The following ARHGAP32 variants were observed in gnomAD, a reference collection of about 807,000 sequenced individuals.
ARHGAP32 encodes the protein rho GTPase-activating protein 32.
A neutral mutation model predicts 186.5 loss-of-function variants in ARHGAP32; 51 were observed. The observed-to-expected ratio is 0.27, with a 90% CI of 0.22 to 0.35. ARHGAP32 has a LOEUF of 0.35. ARHGAP32 is among the 10% of genes least tolerant of loss of function. The probability of loss-of-function intolerance (pLI) is 1.00; values close to 1 mark genes in which losing one functional copy is unlikely to be tolerated. For missense variants in ARHGAP32, 2,186 were observed against 2,623.5 expected (o/e 0.83, Z 3.64); for synonymous variants, 950 against 964.3 (o/e 0.99, Z 0.27).
chr11:129,198,976 G>A (rs2135572253), intron 1 of ARHGAP32, among the ~76,000 whole-genome samples: 1 of 152,300 alleles, frequency 6.6e-6, no homozygotes. Context: ...GGAACTTGTT[G>A]GGAACCAGAG....
At chr11:129,188,296 C>T (rs568266020) in intron 1 of ARHGAP32, among the ~76,000 whole-genome samples, 1 of 152,214 alleles carries the variant, frequency 6.6e-6, no homozygotes, top group East Asian at 1.9e-4. Context: ...CTTCCAGGAT[C>T]ATTAAAACTG....
chr11:129,117,531 T>A (rs115127342), intron 5 of ARHGAP32, among the ~76,000 whole-genome samples: 12 of 151,958 alleles, frequency 7.9e-5, no homozygotes, highest in African/African-American at 2.9e-4. Flanking sequence ...CATGTAATGA[T>A]AGAAAGCCAT....
In ARHGAP32 at chr11:128,967,390, G is replaced by A. The variant is rs887669504; in HGVS notation, c.*1517C>T. ...TCTCCTAGTGTCTTCTACAGACCGA[G>A]CATTTAAAATACGTGAATGTATAAA... On this transcript the variant is annotated 3_prime_UTR_variant, in exon 23 of 23. Coordinates refer to ENST00000682385, the MANE Select transcript of ARHGAP32 (RefSeq NM_001378024.1). The A allele has an allele frequency of 6.6e-5, 10 of 152,190 alleles. No homozygotes were observed. The highest frequency in any genetic ancestry group is 2.4e-4 in the African/African-American group (10 of 41,444). 9.4% of individuals were successfully genotyped at this position (152,190 alleles called of 1,614,324 possible).
intron 11 of ARHGAP32, among the ~76,000 whole-genome samples, chr11:129,004,265 T>G (rs959964140): frequency 1.8e-4 from 23 of 125,062 alleles, no homozygotes; most frequent in Non-Finnish European, 3.0e-4. Context: ...TTTTTTTTTT[T>G]GAATACTTTC....
intron 1 of ARHGAP32, among the ~76,000 whole-genome samples, chr11:129,263,463 A>G (rs545444308): frequency 1.3e-5 from 2 of 152,130 alleles, no homozygotes; most frequent in African/African-American, 2.4e-5. Flanking sequence ...GCCAACAAGC[A>G]TATGAAAAAA....
chr11:129,180,482 A>G (rs569150654), intron 1 of ARHGAP32, among the ~76,000 whole-genome samples: 1 of 152,246 alleles, frequency 6.6e-6, no homozygotes, highest in African/African-American at 2.4e-5. Context: ...AGACTTTATT[A>G]TATGTGTTAT....
intron 10 of ARHGAP32, among the ~76,000 whole-genome samples, chr11:129,060,384 A>ACAGATAG (rs1565401813): frequency 1.5e-5 from 2 of 134,350 alleles, no homozygotes; most frequent in African/African-American, 5.7e-5. Flanking sequence ...TAGATAGATA[A>ACAGATAG]GATAGACAGA....
At chr11:128,983,500 G>C (rs1422374868) in intron 15 of ARHGAP32, among the ~76,000 whole-genome samples, 3 of 151,592 alleles carry the variant, frequency 2.0e-5, no homozygotes, top group Admixed American at 6.6e-5. Context: ...GTTGTGGGGT[G>C]GGGGGAAGGG....
intron 1 of ARHGAP32, among the ~76,000 whole-genome samples, chr11:129,178,973 C>G (rs927652475): frequency 3.4e-4 from 51 of 151,886 alleles, no homozygotes; most frequent in Non-Finnish European, 4.1e-4. Context: ...AGCTTCTGCA[C>G]AGCAAAAGAA....
At chr11:129,174,610 GCCT>G (rs1192484571) in intron 1 of ARHGAP32, among the ~76,000 whole-genome samples, 4 of 152,332 alleles carry the variant, frequency 2.6e-5, no homozygotes, top group African/African-American at 7.2e-5. Flanking sequence ...CAGGCAGACT[GCCT>G]CCTCAAGTGG....
At chr11:129,037,433 T>C (rs1222649973) in intron 11 of ARHGAP32, among the ~76,000 whole-genome samples, 1 of 151,772 alleles carries the variant, frequency 6.6e-6, no homozygotes, top group Non-Finnish European at 1.5e-5. Context: ...GTTTGAGGAC[T>C]TGTGAACTAT....
At chr11:129,033,988 A>G (rs1939220397) in intron 11 of ARHGAP32, among the ~76,000 whole-genome samples, 1 of 152,226 alleles carries the variant, frequency 6.6e-6, no homozygotes, top group South Asian at 2.1e-4. Context: ...CTTTCACAAT[A>G]TATCTTGACA....
chr11:129,209,508 G>A (rs1478987667), intron 1 of ARHGAP32, among the ~76,000 whole-genome samples: 1 of 151,942 alleles, frequency 6.6e-6, no homozygotes, highest in African/African-American at 2.4e-5. Context: ...GATTTGTCTA[G>A]GCACCTGGAA....
At chr11:128,980,139 A>T (rs887439153) in intron 18 of ARHGAP32, among the ~76,000 whole-genome samples, 1 of 152,168 alleles carries the variant, frequency 6.6e-6, no homozygotes, top group Non-Finnish European at 1.5e-5. Context: ...CACACTATTA[A>T]TCTCTTCTAA....
intron 11 of ARHGAP32, chr11:129,030,492 A>G (rs1939063827): frequency 6.6e-6 from 1 of 152,010 alleles, no homozygotes; most frequent in Non-Finnish European, 1.5e-5. Flanking sequence ...ATCTCAATAG[A>G]TTGTACCCAT....
intron 6 of ARHGAP32, among the ~76,000 whole-genome samples, chr11:129,084,478 C>T (rs1941318641): frequency 6.6e-6 from 1 of 151,992 alleles, no homozygotes; most frequent in African/African-American, 2.4e-5. Context: ...GAGATTTATC[C>T]CAGGAATGCA....
At chr11:129,170,201 T>A (rs1943729004) in intron 1 of ARHGAP32, among the ~76,000 whole-genome samples, 1 of 147,368 alleles carries the variant, frequency 6.8e-6, no homozygotes. Flanking sequence ...TCTTTCTTTT[T>A]AATTTCTTCA....
intron 11 of ARHGAP32, among the ~76,000 whole-genome samples, chr11:129,001,597 G>A (rs1186383231): frequency 6.6e-6 from 1 of 152,140 alleles, no homozygotes; most frequent in Non-Finnish European, 1.5e-5. Flanking sequence ...CTTTTGCTGT[G>A]CAGAAGCTTT....
In ARHGAP32 at chr11:129,081,923, G is replaced by A. The variant is rs1941233506; in HGVS notation, c.531+11698C>T. Among the ~76,000 whole-genome samples the A allele has an allele frequency of 2.0e-5, 3 of 152,112 alleles. No individual in the cohort carries two copies. In the South Asian group the frequency reaches 6.2e-4, roughly 32 times the overall value. ...TAAAGTTTCAGGATACAAAGTCAAT[G>A]TACACAAATCAACAGCACTGCTATA... is the stretch of plus-strand genomic sequence containing the variant. On this transcript the variant is annotated intron_variant, in intron 6 of 22. Coordinates refer to ENST00000682385, the MANE Select transcript of ARHGAP32 (RefSeq NM_001378024.1).
Sources: allele counts gnomAD v4.1 joint callset (sites outside exome capture counted in the v4.1 genomes callset), GRCh38; gene constraint gnomAD v4.1.1; transcripts MANE v1.5; gene names NCBI Gene and HGNC (gene_info 2026-07-23, HGNC 2026-07-21).